The following MPPED2 variants were observed in gnomAD, a reference collection of about 807,000 sequenced individuals.
The protein encoded by MPPED2 is metallophosphoesterase domain containing 2, also known as metallophosphoesterase MPPED2.
Under a neutral mutation model 33.0 loss-of-function variants are expected in MPPED2, and 5 were observed. That is an observed-to-expected ratio of 0.15 (90% CI 0.08 to 0.32). MPPED2 has a LOEUF of 0.32. Among genes scored for constraint, MPPED2 ranks in the 10% least tolerant of loss-of-function variants. The pLI, the probability that MPPED2 is intolerant of heterozygous loss-of-function variation, is 1.00. For synonymous variants in MPPED2, 136 were observed against 141.9 expected, an observed-to-expected ratio of 0.96 and a Z score of 0.29; for missense variants, 275 against 372.1, an observed-to-expected ratio of 0.74 and a Z score of 2.15.
intron 2 of MPPED2, among the ~76,000 whole-genome samples, chr11:30,560,589 C>T (rs963010771): frequency 5.3e-5 from 8 of 152,072 alleles, no homozygotes; most frequent in South Asian, 2.1e-4. Flanking sequence ...GCCCTAGCTC[C>T]GTAGAATGCC....
intron 1 of MPPED2, among the ~76,000 whole-genome samples, chr11:30,585,378 C>A (rs1175891954): frequency 1.3e-5 from 2 of 151,842 alleles, no homozygotes; most frequent in Non-Finnish European, 2.9e-5. Context: ...GCGAGAGCGG[C>A]GCGCGCGGGC....
At chr11:30,486,655 A>C (rs1590508852) in intron 4 of MPPED2, among the ~76,000 whole-genome samples, 1 of 150,830 alleles carries the variant, frequency 6.6e-6, no homozygotes, top group Non-Finnish European at 1.5e-5. Context: ...TTCTTTGAAA[A>C]CTCTCACTGC....
At chr11:30,542,940 C>G (rs763620682) in intron 2 of MPPED2, among the ~76,000 whole-genome samples, 5 of 152,154 alleles carry the variant, frequency 3.3e-5, no homozygotes, top group Non-Finnish European at 5.9e-5. Flanking sequence ...TCACCTAACT[C>G]TGGCAACCAT....
At chr11:30,581,660 C>A (rs543108703) in intron 1 of MPPED2, among the ~76,000 whole-genome samples, 1 of 152,176 alleles carries the variant, frequency 6.6e-6, no homozygotes. Flanking sequence ...CCTTAAATAT[C>A]GAGCAAAAGG....
intron 4 of MPPED2, among the ~76,000 whole-genome samples, chr11:30,476,839 G>A (rs563545): frequency 0.1 from 15,421 of 151,998 alleles, 1,012 homozygotes; most frequent in South Asian, 0.25. Flanking sequence ...AATTTAGGGA[G>A]AACTGAGCAG....
chr11:30,470,495 T>C (rs971454469), intron 4 of MPPED2, among the ~76,000 whole-genome samples: 3 of 152,188 alleles, frequency 2.0e-5, no homozygotes, highest in African/African-American at 7.2e-5. Context: ...GTTTCTTTTT[T>C]ATGTGATGAA....
intron 6 of MPPED2, among the ~76,000 whole-genome samples, chr11:30,404,184 A>G (rs1483592007): frequency 2.0e-5 from 3 of 152,212 alleles, no homozygotes; most frequent in African/African-American, 4.8e-5. Context: ...ACCCTTCAAT[A>G]CAAGTTGAGA....
At chr11:30,423,643 T>C (rs1178077352) in intron 4 of MPPED2, among the ~76,000 whole-genome samples, 2 of 152,220 alleles carry the variant, frequency 1.3e-5, no homozygotes, top group Non-Finnish European at 2.9e-5. Flanking sequence ...ACTGGCCAAT[T>C]ATTGGCTTCT....
intron 2 of MPPED2, among the ~76,000 whole-genome samples, chr11:30,554,648 C>G (rs1455797516): frequency 2.0e-5 from 3 of 151,970 alleles, no homozygotes; most frequent in African/African-American, 7.3e-5. Context: ...GGGCCTGCCA[C>G]GACGCCCAGC....
At chr11:30,523,559 C>T (rs1330333277) in intron 3 of MPPED2, among the ~76,000 whole-genome samples, 1 of 151,816 alleles carries the variant, frequency 6.6e-6, no homozygotes, top group Non-Finnish European at 1.5e-5. Context: ...ATCCTCACGA[C>T]TCTGTGACAA....
chr11:30,571,874 T>C (rs188478164), intron 2 of MPPED2, among the ~76,000 whole-genome samples: 2 of 152,330 alleles, frequency 1.3e-5, no homozygotes, highest in Non-Finnish European at 2.9e-5. Context: ...AAACACAAAC[T>C]ACCTATTTCA....
downstream of MPPED2, among the ~76,000 whole-genome samples, chr11:30,405,256 A>G (rs1947972274): frequency 1.3e-5 from 2 of 152,198 alleles, no homozygotes; most frequent in Non-Finnish European, 2.9e-5. Flanking sequence ...CCTATTCCCA[A>G]AGTCATCAAC....
At chr11:30,407,917 A>G (rs1465549711), downstream of MPPED2, among the ~76,000 whole-genome samples, 2 of 152,080 alleles carry the variant, frequency 1.3e-5, no homozygotes, top group Admixed American at 6.6e-5. Context: ...ATAAAATTAA[A>G]TATATTTTTT....
intron 4 of MPPED2, among the ~76,000 whole-genome samples, chr11:30,479,226 T>C (rs1951368141): frequency 6.6e-6 from 1 of 152,022 alleles, no homozygotes; most frequent in East Asian, 1.9e-4. Context: ...TTTATGACTC[T>C]AAAAAGGAAA....
intron 2 of MPPED2, among the ~76,000 whole-genome samples, chr11:30,563,274 T>C (rs1956309473): frequency 6.6e-6 from 1 of 152,000 alleles, no homozygotes; most frequent in Non-Finnish European, 1.5e-5. Flanking sequence ...TATGAGGGGG[T>C]ACGTTTCAAG....
intron 4 of MPPED2, among the ~76,000 whole-genome samples, chr11:30,456,025 A>G (rs1422583228): frequency 1.3e-5 from 2 of 152,200 alleles, no homozygotes; most frequent in African/African-American, 2.4e-5. Flanking sequence ...AGTACAGCAT[A>G]CTTTCTAAGA....
intron 4 of MPPED2, among the ~76,000 whole-genome samples, chr11:30,470,370 A>G (rs1298552793): frequency 6.6e-6 from 1 of 152,204 alleles, no homozygotes; most frequent in African/African-American, 2.4e-5. Context: ...TGTGTCCAGA[A>G]TACTCAAACA....
chr11:30,432,167 T>C (rs1949107570), intron 4 of MPPED2, among the ~76,000 whole-genome samples: 1 of 92,920 alleles, frequency 1.1e-5, no homozygotes, highest in Admixed American at 1.0e-4. Flanking sequence ...GGATTCTGTC[T>C]CAAAAAAAAA....
chr11:30,447,265 C>T (rs753241669), intron 4 of MPPED2, among the ~76,000 whole-genome samples: 4 of 152,102 alleles, frequency 2.6e-5, no homozygotes, highest in Admixed American at 6.5e-5. Context: ...TCGTAACTTC[C>T]GACAGTCTGA....
Sources: gnomAD v4.1 joint callset for allele counts (sites outside exome capture counted in the v4.1 genomes callset) on GRCh38, gnomAD v4.1.1 for gene constraint, MANE v1.5 for transcripts, NCBI Gene and HGNC (gene_info 2026-07-23, HGNC 2026-07-21) for gene names.